The following NSRP1 variants were observed in gnomAD, a reference collection of about 807,000 sequenced individuals.
NSRP1 encodes coiled-coil domain containing 55.
Under a neutral mutation model 54.7 loss-of-function variants are expected in NSRP1, and 24 were observed. The ratio of observed to expected loss-of-function variants is 0.44; its 90% CI spans 0.32 to 0.62. The LOEUF (loss-of-function observed/expected upper bound fraction) is 0.62, where lower values mean the gene tolerates loss of function less well. Ranked by LOEUF, NSRP1 falls within the 20% of genes least tolerant of loss-of-function variation. NSRP1 has a pLI of 0.06. For synonymous variants in NSRP1, 210 were observed against 213.8 expected (o/e 0.98, Z 0.15); for missense variants, 596 against 651.2 (o/e 0.92, Z 0.92).
intron 2 of NSRP1, 28 bp from the exon 3 acceptor site, chr17:30,172,514 A>G (rs1904989256): frequency 1.3e-6 from 2 of 1,576,112 alleles, no homozygotes; most frequent in Non-Finnish European, 1.7e-6. Flanking sequence ...ATTTGTTTAA[A>G]AAGTGACAAT....
chr17:30,148,471 T>G (rs184910313), intron 2 of NSRP1, among the ~76,000 whole-genome samples: 4 of 152,308 alleles, frequency 2.6e-5, no homozygotes, highest in Non-Finnish European at 5.9e-5. Context: ...TTATGTACAT[T>G]TACTGACAGG....
At chr17:30,147,701 G>T (rs2071869893) in intron 2 of NSRP1, among the ~76,000 whole-genome samples, 1 of 151,828 alleles carries the variant, frequency 6.6e-6, no homozygotes, top group Non-Finnish European at 1.5e-5. Flanking sequence ...CTGATGTCGT[G>T]ATCTGCCCGC....
At chr17:30,118,680 C>G (rs1203201125) in intron 2 of NSRP1, among the ~76,000 whole-genome samples, 3 of 151,836 alleles carry the variant, frequency 2.0e-5, no homozygotes, top group African/African-American at 4.8e-5. Context: ...ATTTTAGCAG[C>G]CAAAACTACT....
At position 30,185,642 on chromosome 17, in the gene NSRP1, G is replaced by C. The variant is rs1905507954; in HGVS notation, c.1645G>C (p.Ala549Pro). The change falls in exon 7 of 7, where the codon GCA (alanine) becomes CCA (proline). Residue 549 changes from alanine to proline, a missense_variant. Coordinates refer to ENST00000247026, the MANE Select transcript of NSRP1 (RefSeq NM_032141.4). The stretch of plus-strand genomic sequence containing the variant: ...GGCCAGGCAGATGGCGCGGGTTAAT[G>C]CAAAGACCTATATTGAGAAAGAAGA... ...YLARQMARVNAKTYIEKEDD is the reference protein window; with the variant it reads ...YLARQMARVNPKTYIEKEDD 1 of 1,607,094 alleles carries C rather than the reference G, an allele frequency of 6.2e-7. No homozygotes were observed. Among genetic ancestry groups the C allele is most frequent in the African/African-American group, 1.3e-5 (1 of 74,380 alleles).
chr17:30,179,150 A>G lies in NSRP1; in HGVS notation c.361A>G (p.Arg121Gly), dbSNP rs1905218900. The G allele has an allele frequency of 1.2e-6, 2 of 1,604,994 alleles. No homozygotes were observed. Among genetic ancestry groups the G allele is most frequent in the African/African-American group, 2.7e-5 (2 of 74,854 alleles). The part of the protein sequence containing the change: ...VEIRKKEQEK[R>G]MEKKIQRERE... ...GATCAGAAAAAAGGAACAGGAAAAA[A>G]GAATGGAAAAGAAAATACAGAGAGA... Residue 121 changes from arginine to glycine, a missense_variant, in exon 5 of 7, where the codon AGA becomes GGA. Arg to Gly is a moderately radical substitution (Grantham distance 125). Transcript: ENST00000247026.
intron 1 of NSRP1, chr17:30,117,642 TGTAAGTACACAGTA>T (rs2071551234): frequency 8.9e-6 from 3 of 335,756 alleles, no homozygotes; most frequent in Non-Finnish European, 1.6e-5. Flanking sequence ...TTAGAAACTG[TGTAAGTACACAGTA>T]GGAAAAAAAA....
chr17:30,118,120 C>A lies in NSRP1; in HGVS notation c.61C>A (p.Pro21Thr). Residue 21 changes from proline (P) to threonine (T), a missense_variant, in exon 2 of 7, where the codon CCT becomes ACT. By Grantham distance (38) the Pro-to-Thr change is conservative. Coordinates refer to ENST00000247026, the MANE Select transcript of NSRP1 (RefSeq NM_032141.4). ...GCCAAAGAAAACACAGCAGTTGCAC[C>A]CTGTTTTGCAAAAACCATCAGTGTT... ...ILPKKTQQLH[P>T]VLQKPSVFGN... 6.2e-7 allele frequency: 1 copy of A among 1,613,680 alleles called. No homozygotes were observed. Among genetic ancestry groups the A allele is most frequent in the African/African-American group, 1.3e-5 (1 of 74,980 alleles).
At chr17:30,119,433 G>C (rs753773630) in intron 2 of NSRP1, among the ~76,000 whole-genome samples, 1 of 152,114 alleles carries the variant, frequency 6.6e-6, no homozygotes, top group Non-Finnish European at 1.5e-5. Flanking sequence ...GGCTGGTCTT[G>C]AACCTAACCT....
At chr17:30,160,885 T>G (rs936277921) in intron 2 of NSRP1, among the ~76,000 whole-genome samples, 9 of 152,192 alleles carry the variant, frequency 5.9e-5, no homozygotes, top group African/African-American at 2.2e-4. Context: ...CTAAAATATC[T>G]TCACTTCTGA....
chr17:30,145,108 T>C (rs2071841812), intron 2 of NSRP1, among the ~76,000 whole-genome samples: 1 of 152,236 alleles, frequency 6.6e-6, no homozygotes, highest in African/African-American at 2.4e-5. Flanking sequence ...ATACGTCTAC[T>C]GTATTTTATC....
chr17:30,162,637 G>T (rs999734382), intron 2 of NSRP1, among the ~76,000 whole-genome samples: 1 of 152,170 alleles, frequency 6.6e-6, no homozygotes, highest in Non-Finnish European at 1.5e-5. Context: ...GGATAATTGG[G>T]TAGGTGCAAC....
intron 2 of NSRP1, among the ~76,000 whole-genome samples, chr17:30,138,157 A>G (rs1320153958): frequency 6.6e-6 from 1 of 152,170 alleles, no homozygotes; most frequent in East Asian, 1.9e-4. Flanking sequence ...TAATGTCCTC[A>G]GGGTTCATCC....
intron 1 of NSRP1, chr17:30,117,168 C>G (rs1278851243): frequency 2.9e-6 from 2 of 701,674 alleles, no homozygotes; most frequent in Admixed American, 4.2e-5. Context: ...CTTCCTAACC[C>G]GCGCTTGAGT....
intron 2 of NSRP1, chr17:30,143,988 T>G (rs1389174315): frequency 6.6e-6 from 1 of 152,064 alleles, no homozygotes; most frequent in African/African-American, 2.4e-5. Context: ...AAAAATAATT[T>G]TTTAAAAATT....
chr17:30,118,973 C>T (rs1390186569), intron 2 of NSRP1, among the ~76,000 whole-genome samples: 1 of 151,990 alleles, frequency 6.6e-6, no homozygotes, highest in South Asian at 2.1e-4. Flanking sequence ...GTCTTGAACT[C>T]CTGACCTCAG....
chr17:30,179,482 A>C (rs1225123701), intron 5 of NSRP1, among the ~76,000 whole-genome samples, 185 bp downstream of exon 5: 3 of 152,252 alleles, frequency 2.0e-5, no homozygotes, highest in Non-Finnish European at 2.9e-5. Flanking sequence ...AAGTTTAACT[A>C]AAAACACAGT....
chr17:30,178,156 A>C lies in NSRP1; in HGVS notation c.257A>C (p.Lys86Thr), dbSNP rs11544945. ...ATTTATGATGAAATGCAGAAAAAAA[A>C]GGAGGAAAATAATCCCAAATTGCTT... ...DSIYDEMQKK[K>T]EENNPKLLLG... The change falls in exon 4 of 7, where the codon AAG (lysine) becomes ACG (threonine). Residue 86 changes from lysine (K) to threonine (T), a missense_variant. By Grantham distance (78) the Lys-to-Thr change is moderately conservative (BLOSUM62 -1). Transcript: ENST00000247026. 0.053 allele frequency: 85,400 copies of C among 1,609,974 alleles called. 2,662 individuals carry two copies. Among genetic ancestry groups the C allele is most frequent in the Non-Finnish European group, 0.063 (74,005 of 1,178,772 alleles).
intron 6 of NSRP1, among the ~76,000 whole-genome samples, chr17:30,182,588 G>T (rs1905345576): frequency 6.6e-6 from 1 of 152,172 alleles, no homozygotes; most frequent in Non-Finnish European, 1.5e-5. Context: ...ATTGCAGTGA[G>T]CTGAGATAGC....
intron 3 of NSRP1, 87 bp from the exon 4 acceptor site, chr17:30,177,984 A>G (rs753737891): frequency 3.8e-5 from 53 of 1,401,314 alleles, no homozygotes; most frequent in Non-Finnish European, 4.4e-5. Flanking sequence ...TATATTTTCA[A>G]TTTATGAACC....
Sources: gnomAD v4.1 joint callset for allele counts (sites outside exome capture counted in the v4.1 genomes callset) on GRCh38, gnomAD v4.1.1 for gene constraint, MANE v1.5 for transcripts, NCBI Gene and HGNC (gene_info 2026-07-23, HGNC 2026-07-21) for gene names.